The following CELF2 variants were observed in gnomAD, a reference collection of about 807,000 sequenced individuals.
CELF2 encodes CUGBP Elav-like family member 2, also known as CUG triplet repeat RNA-binding protein 2.
Under a neutral mutation model 62.6 loss-of-function variants are expected in CELF2, and 8 were observed. The ratio of observed to expected loss-of-function variants is 0.13; its 90% CI spans 0.07 to 0.23. The LOEUF is 0.23. CELF2 is among the 10% of genes least tolerant of loss of function. The pLI is 1.00. For missense variants in CELF2, 333 were observed against 671.0 expected (o/e 0.50, Z 5.56); for synonymous variants, 258 against 250.0 (o/e 1.03, Z -0.30).
chr10:10,987,208 T>G (rs1324508404), intron 2 of CELF2, among the ~76,000 whole-genome samples: 6 of 151,704 alleles, frequency 4.0e-5, no homozygotes, highest in Non-Finnish European at 1.5e-5. Flanking sequence ...CATTTTAGAA[T>G]ACCTTGTAAG....
At chr10:10,660,147 C>A in the CELF2 span, among the ~76,000 whole-genome samples, 533 of 152,284 alleles carry the variant, frequency 3.5e-3, 2 homozygotes, top group African/African-American at 0.012. Context: ...CATCAGGAAC[C>A]TTTTCTTGCT....
intron 2 of CELF2, among the ~76,000 whole-genome samples, chr10:10,944,517 A>G (rs1392507649): frequency 6.6e-6 from 1 of 152,168 alleles, no homozygotes; most frequent in Non-Finnish European, 1.5e-5. Flanking sequence ...TCATTTAAGA[A>G]GCTCAACTTT....
At chr10:11,216,516 T>A (rs1460324485) in intron 2 of CELF2, among the ~76,000 whole-genome samples, 1 of 152,232 alleles carries the variant, frequency 6.6e-6, no homozygotes, top group East Asian at 1.9e-4. Flanking sequence ...TGTCCTACCC[T>A]CTTTTCCCAA....
chr10:11,051,903 T>C (rs2064009018), intron 1 of CELF2, among the ~76,000 whole-genome samples: 1 of 45,124 alleles, frequency 2.2e-5, no homozygotes, highest in Non-Finnish European at 4.3e-5. Flanking sequence ...TGTTAATACT[T>C]TTTTTTTTTT....
At chr10:11,259,694 A>G (rs35047928) in intron 5 of CELF2, among the ~76,000 whole-genome samples, 1 of 152,288 alleles carries the variant, frequency 6.6e-6, no homozygotes, top group South Asian at 2.1e-4. Context: ...CTCACCAGCC[A>G]AGGGATACTA....
At chr10:11,069,214 T>TA (rs1042705372) in intron 1 of CELF2, among the ~76,000 whole-genome samples, 8 of 152,068 alleles carry the variant, frequency 5.3e-5, no homozygotes, top group Admixed American at 1.3e-4. Context: ...TTATGTAAAT[T>TA]AAAAAAAATC....
chr10:11,107,664 C>T (rs2142992473), intron 1 of CELF2, among the ~76,000 whole-genome samples: 1 of 152,034 alleles, frequency 6.6e-6, no homozygotes, highest in South Asian at 2.1e-4. Context: ...GGCTTCTGAA[C>T]CCTTAATCCG....
chr10:10,893,964 C>G (rs1273690765), intron 1 of CELF2, among the ~76,000 whole-genome samples: 1 of 152,180 alleles, frequency 6.6e-6, no homozygotes, highest in Non-Finnish European at 1.5e-5. Flanking sequence ...TATCAGAAGG[C>G]AAGCACTAGG....
chr10:11,099,884 C>T (rs58558882), intron 1 of CELF2, among the ~76,000 whole-genome samples: 3 of 93,526 alleles, frequency 3.2e-5, no homozygotes, highest in African/African-American at 1.6e-4. Flanking sequence ...ACAACAACAA[C>T]AAAAAAAAAA....
Position 11,177,569 on chromosome 10 carries a change from A to G in CELF2, c.271+11887A>G, listed in dbSNP as rs1436312040. 1.3e-5 allele frequency among the ~76,000 whole-genome samples: 2 copies of G among 152,200 alleles called. No homozygotes were observed. The highest frequency in any genetic ancestry group is 1.9e-4 in the East Asian group (1 of 5,200). ...AAATGGACTTTTCCTTTGCATTTCC[A>G]TGAGTCAGGGAGAAAACAGACCAGC... is the stretch of plus-strand genomic sequence containing the variant. On this transcript the variant is annotated intron_variant, in intron 2 of 12. Coordinates refer to ENST00000633077, the MANE Select transcript of CELF2 (RefSeq NM_001326342.2). The surrounding 1 kb of genome is among the most constrained non-coding windows in gnomAD (Gnocchi z 4.8).
At chr10:10,649,630 C>A in the CELF2 span, among the ~76,000 whole-genome samples, 1 of 152,154 alleles carries the variant, frequency 6.6e-6, no homozygotes, top group Admixed American at 6.5e-5. Flanking sequence ...CTTGCAAAAA[C>A]CAGTAGATTT....
chr10:10,628,102 C>T, the CELF2 span, among the ~76,000 whole-genome samples: 4 of 152,112 alleles, frequency 2.6e-5, no homozygotes, highest in East Asian at 1.9e-4. Context: ...AGGGTTTTGC[C>T]GTGTTGGCCA....
At chr10:10,678,454 T>C in the CELF2 span, among the ~76,000 whole-genome samples, 1 of 152,076 alleles carries the variant, frequency 6.6e-6, no homozygotes, top group African/African-American at 2.4e-5. Flanking sequence ...TGGTGGTCTT[T>C]CCATGGAACA....
At chr10:11,208,016 CCT>C (rs1177735744) in intron 2 of CELF2, among the ~76,000 whole-genome samples, 1 of 151,874 alleles carries the variant, frequency 6.6e-6, no homozygotes, top group Non-Finnish European at 1.5e-5. Context: ...TGAGGTGGAC[CCT>C]GTTAGAGGTG....
rs11386664 is a variant in CELF2, at chr10:10,905,582, T to TAAAAA, written c.54-14373_54-14369dup. On this transcript the variant is annotated intron_variant, in intron 1 of 13. Transcript: ENST00000636488. ...AACATGGCAAACCCCCATCTCTACT[T>TAAAAA]AAAAAAAAAAAAAGGGCTGGGCGTG... 2.6e-4 allele frequency among the ~76,000 whole-genome samples: 38 copies of TAAAAA among 143,906 alleles called. 1 individual carries two copies. Among genetic ancestry groups the TAAAAA allele is most frequent in the African/African-American group, 9.5e-4 (37 of 39,020 alleles). The allele number at this position is 143,906 out of a possible 152,430, so 94.4% of individuals were successfully genotyped here.
the CELF2 span, among the ~76,000 whole-genome samples, chr10:10,597,002 C>T: frequency 1.4e-4 from 21 of 152,298 alleles, no homozygotes; most frequent in African/African-American, 5.1e-4. Context: ...CATCTGCCAA[C>T]TACTACCAAA....
chr10:10,512,290 TGTCAACA>T, the CELF2 span, among the ~76,000 whole-genome samples: 2 of 152,092 alleles, frequency 1.3e-5, no homozygotes, highest in South Asian at 4.1e-4. Context: ...TGGCACCACA[TGTCAACA>T]GTACCATACC....
intron 1 of CELF2, among the ~76,000 whole-genome samples, chr10:10,805,195 G>A (rs192768043): frequency 7.6e-4 from 116 of 152,164 alleles, no homozygotes; most frequent in African/African-American, 2.5e-3. Flanking sequence ...GTAAAGTTCC[G>A]GTCACTCATC....
chr10:10,534,144 T>A, the CELF2 span, among the ~76,000 whole-genome samples: 3 of 150,980 alleles, frequency 2.0e-5, no homozygotes, highest in African/African-American at 4.9e-5. Context: ...GCAACTGTAT[T>A]TGACTCTTCA....
Sources: allele counts gnomAD v4.1 joint callset (sites outside exome capture counted in the v4.1 genomes callset), GRCh38; gene constraint gnomAD v4.1.1; non-coding constraint Gnocchi (gnomAD v3.1); transcripts MANE v1.5; gene names NCBI Gene and HGNC (gene_info 2026-07-23, HGNC 2026-07-21).